Variants in COIL observed in about 807,000 individuals in gnomAD.
The protein encoded by COIL is coilin, also known as coilin p80.
In COIL, 28 loss-of-function variants were observed where a neutral mutation model predicts 51.6. That is an observed-to-expected ratio of 0.54 (90% CI 0.40 to 0.74). The LOEUF is 0.74. COIL is among the 30% of genes least tolerant of loss of function. The pLI, the probability that COIL is intolerant of heterozygous loss-of-function variation, is 0.00. For synonymous variants in COIL, 233 were observed against 255.8 expected (o/e 0.91, Z 0.85); for missense variants, 667 against 685.9 (o/e 0.97, Z 0.31).
At chr17:56,939,175 C>G (rs1910099496) in intron 6 of COIL, 21 bp from the exon 7 acceptor site, 8 of 1,360,758 alleles carry the variant, frequency 5.9e-6, no homozygotes, top group Non-Finnish European at 8.4e-6. Flanking sequence ...AGACAAAATA[C>G]CCAGTTTAGG....
chr17:56,946,877 T>G (rs963987904), intron 4 of COIL, among the ~76,000 whole-genome samples: 1 of 152,228 alleles, frequency 6.6e-6, no homozygotes, highest in Non-Finnish European at 1.5e-5. Context: ...AAGTGAGCAC[T>G]GACCATCACA....
intron 5 of COIL, among the ~76,000 whole-genome samples, chr17:56,943,506 C>T (rs982950754): frequency 2.6e-5 from 4 of 152,112 alleles, no homozygotes; most frequent in African/African-American, 7.2e-5. Context: ...TTCCCTACTT[C>T]GATTATACGT....
At chr17:56,949,098 A>G (rs960548490) in intron 4 of COIL, among the ~76,000 whole-genome samples, 5 of 152,158 alleles carry the variant, frequency 3.3e-5, no homozygotes, top group Admixed American at 3.3e-4. Flanking sequence ...ACATAGCAAG[A>G]TCCTGTCGCT....
chr17:56,956,415 TTTG>T (rs200525107), intron 1 of COIL, among the ~76,000 whole-genome samples: 9,373 of 151,204 alleles, frequency 0.062, 348 homozygotes, highest in East Asian at 0.15. Flanking sequence ...ATTTTTTTTG[TTTG>T]TTTTTTGGGG....
intron 5 of COIL, among the ~76,000 whole-genome samples, chr17:56,946,180 A>G (rs566607078): frequency 6.6e-6 from 1 of 152,332 alleles, no homozygotes; most frequent in African/African-American, 2.4e-5. Flanking sequence ...GCTTCCTAGG[A>G]ATAATTCTTT....
At chr17:56,956,202 C>G (rs1230552017) in intron 1 of COIL, among the ~76,000 whole-genome samples, 2 of 152,102 alleles carry the variant, frequency 1.3e-5, no homozygotes, top group Middle Eastern at 3.2e-3. Flanking sequence ...ATCCAAGGAG[C>G]CACTAACTAC....
At chr17:56,944,225 G>C (rs1199245971) in intron 5 of COIL, among the ~76,000 whole-genome samples, 1 of 152,094 alleles carries the variant, frequency 6.6e-6, no homozygotes, top group East Asian at 1.9e-4. Flanking sequence ...CACAGAATTT[G>C]ACAGTGGACA....
chr17:56,954,297 T>G (rs1192662569), intron 1 of COIL, among the ~76,000 whole-genome samples: 1 of 152,058 alleles, frequency 6.6e-6, no homozygotes, highest in Non-Finnish European at 1.5e-5. Context: ...CGGTGGCTCA[T>G]GCCTGTAATA....
At position 56,960,714 on chromosome 17, in the gene COIL, G is replaced by T. The variant is rs1440369001; in HGVS notation, c.245+61C>A. On this transcript the variant is annotated intron_variant, in intron 1 of 6. Transcript: ENST00000240316. The stretch of plus-strand genomic sequence containing the variant: ...AGGTCTAGCGGCTTCAGGCCCGGGC[G>T]TGCGCAGGCGCGTCCCCCGCCCGCC... 18 of 1,292,596 alleles carry T rather than the reference G, an allele frequency of 1.4e-5. No individual in the cohort carries two copies. The African/African-American group carries it at 2.9e-4, about 21-fold the overall frequency. 80.1% of individuals were successfully genotyped at this position (1,292,596 alleles called of 1,614,324 possible).
At position 56,938,853 on chromosome 17, in the gene COIL, G is replaced by A. The variant is rs552777898; in HGVS notation, c.*218C>T. On this transcript the variant is annotated 3_prime_UTR_variant, in exon 7 of 7. Coordinates refer to ENST00000240316, the MANE Select transcript of COIL (RefSeq NM_004645.3). ...CAGGGAATGTCATGTTTTACATTTT[G>A]TTAACTGAAATTAAACCTGACAAAA... 1 of 419,850 alleles carries A rather than the reference G, an allele frequency of 2.4e-6. No individual in the cohort carries two copies. Among genetic ancestry groups the A allele is most frequent in the Non-Finnish European group, 4.2e-6 (1 of 237,368 alleles). 26.0% of individuals were successfully genotyped at this position (419,850 alleles called of 1,614,324 possible). A position where few individuals can be genotyped will look rare whatever the true frequency, so the allele number is the denominator to read the frequency against.
At chr17:56,952,994 T>C (rs1910401701) in intron 1 of COIL, among the ~76,000 whole-genome samples, 1 of 152,220 alleles carries the variant, frequency 6.6e-6, no homozygotes, top group Non-Finnish European at 1.5e-5. Flanking sequence ...AAAATGCCTG[T>C]TGGCCAGGCA....
At chr17:56,945,636 T>A (rs530772039) in intron 5 of COIL, among the ~76,000 whole-genome samples, 7 of 152,366 alleles carry the variant, frequency 4.6e-5, no homozygotes, top group Admixed American at 6.5e-5. Context: ...GTAGGTCTTA[T>A]GAGTTCACTG....
Position 56,949,869 on chromosome 17 carries a change from T to A in COIL, c.1353+20A>T, listed in dbSNP as rs370754186. 1 of 1,610,146 alleles carries A rather than the reference T, an allele frequency of 6.2e-7. No individual in the cohort carries two copies. Among genetic ancestry groups the A allele is most frequent in the Non-Finnish European group, 8.5e-7 (1 of 1,177,760 alleles). The stretch of plus-strand genomic sequence containing the variant: ...TCTAAGGGGAAAGGGAGGAGATAAC[T>A]TACAAAAAATAATACTTACCTGGAT... On this transcript the variant is annotated intron_variant, in intron 2 of 6. Transcript: ENST00000240316.
In COIL at chr17:56,947,127, G is replaced by A. The variant is rs540341294; in HGVS notation, c.1489-616C>T. 2.0e-5 allele frequency among the ~76,000 whole-genome samples: 3 copies of A among 152,254 alleles called. No homozygotes were observed. In the East Asian group the frequency reaches 5.8e-4, roughly 29 times the overall value. On this transcript the variant is annotated intron_variant, in intron 4 of 6. Coordinates refer to ENST00000240316, the MANE Select transcript of COIL (RefSeq NM_004645.3). ...ATGGGGAGACACATGGTAGCCTCCG[G>A]GGGTATATACTGAGAGGCCAAGCAA... is the stretch of plus-strand genomic sequence containing the variant.
intron 1 of COIL, among the ~76,000 whole-genome samples, chr17:56,954,916 T>C (rs1910455127): frequency 6.6e-6 from 1 of 152,200 alleles, no homozygotes; most frequent in Non-Finnish European, 1.5e-5. Context: ...GCACCTTCCC[T>C]GGCAATATTC....
At position 56,949,399 on chromosome 17, in the gene COIL, G is replaced by T; in HGVS notation, c.1476C>A (p.Val492=). 2 of 1,592,666 alleles carry T rather than the reference G, an allele frequency of 1.3e-6. No homozygotes were observed. Among genetic ancestry groups the T allele is most frequent in the South Asian group, 1.2e-5 (1 of 86,838 alleles). ...LELTSSYSPD[V]SDYKEGRILS... ...TAAACATCCTTACCTTGTAGTCAGA[G>T]ACATCAGGAGAGTAACTGGATGTTA... The change falls in exon 4 of 7, where the codon GTC becomes GTA. Residue 492 remains valine, a synonymous_variant. Coordinates refer to ENST00000240316, the MANE Select transcript of COIL (RefSeq NM_004645.3).
At position 56,950,927 on chromosome 17, in the gene COIL, A is replaced by C. The variant is rs767802075; in HGVS notation, c.315T>G (p.Ser105=). The change falls in exon 2 of 7, where the codon TCT becomes TCG. Residue 105 remains serine (S), a synonymous_variant. Transcript: ENST00000240316. ...ATGCCCGCTTCTTTGCTTTTCTAAG[A>C]GATAAATTAATGTCACCATTACTGA... ...VVISNGDINL[S]LRKAKKRAFQ... is the part of the protein sequence containing the mutation. 5.0e-6 allele frequency: 8 copies of C among 1,613,398 alleles called. No individual in the cohort carries two copies. The South Asian group carries it at 6.6e-5, about 13-fold the overall frequency.
At chr17:56,942,602 A>G (rs1456163342) in intron 5 of COIL, among the ~76,000 whole-genome samples, 2 of 151,838 alleles carry the variant, frequency 1.3e-5, no homozygotes, top group African/African-American at 2.4e-5. Context: ...TACAACCTCT[A>G]CCTCCTGGGT....
In COIL at chr17:56,949,686, A is replaced by G; in HGVS notation, c.1435T>C (p.Phe479Leu). 1 of 1,613,124 alleles carries G rather than the reference A, an allele frequency of 6.2e-7. No homozygotes were observed. Residue 479 changes from phenylalanine to leucine, a missense_variant, in exon 3 of 7, where the codon TTT becomes CTT. Physicochemically the swap from Phe to Leu is conservative, Grantham distance 22. Coordinates refer to ENST00000240316, the MANE Select transcript of COIL (RefSeq NM_004645.3). ...ACTGTTCTTTTGAAATATACCTTAA[A>G]TGCAATCTTTTCTCCAACTTGAGGG... is the stretch of plus-strand genomic sequence containing the variant. ...AAPQVGEKIA[F>L]KLLELTSSYS...
Sources: gnomAD v4.1 joint callset for allele counts (sites outside exome capture counted in the v4.1 genomes callset) on GRCh38, gnomAD v4.1.1 for gene constraint, MANE v1.5 for transcripts, NCBI Gene and HGNC (gene_info 2026-07-23, HGNC 2026-07-21) for gene names.